The following TFB1M variants were observed in gnomAD, a reference collection of about 807,000 sequenced individuals.
TFB1M encodes dimethyladenosine transferase 1, mitochondrial.
A neutral mutation model predicts 31.1 loss-of-function variants in TFB1M; 27 were observed. The observed-to-expected ratio is 0.87, with a 90% CI of 0.64 to 1.20. The LOEUF (loss-of-function observed/expected upper bound fraction) is 1.20, where lower values mean the gene tolerates loss of function less well. TFB1M is among the 50% of genes most tolerant of loss of function. The pLI is 0.00. For missense variants in TFB1M, 394 were observed against 418.7 expected, an observed-to-expected ratio of 0.94 and a Z score of 0.51; for synonymous variants, 166 against 151.8, an observed-to-expected ratio of 1.09 and a Z score of -0.69.
At chr6:155,247,959 C>T in the TFB1M span, 1 of 1,587,696 alleles carries the variant, frequency 6.3e-7, no homozygotes, top group South Asian at 1.1e-5. Context: ...TTAATTCACC[C>T]CACTGTGCTC....
At chr6:155,249,872 A>T in the TFB1M span, 1 of 1,613,738 alleles carries the variant, frequency 6.2e-7, no homozygotes, top group South Asian at 1.1e-5. Flanking sequence ...GCAATGGAGA[A>T]AGTAGCGAGC....
intron 4 of TFB1M, among the ~76,000 whole-genome samples, chr6:155,293,747 C>T (rs162964): frequency 0.09 from 13,749 of 152,020 alleles, 823 homozygotes; most frequent in East Asian, 0.18. Context: ...AATTATTTAT[C>T]TCCAAATAAT....
At chr6:155,307,138 C>CACAG (rs1051222724) in intron 2 of TFB1M, among the ~76,000 whole-genome samples, 9 of 34,598 alleles carry the variant, frequency 2.6e-4, no homozygotes, top group Non-Finnish European at 6.2e-4. Flanking sequence ...CAAACACATA[C>CACAG]ACACACACAC....
At chr6:155,292,201 A>G (rs1481457733) in intron 4 of TFB1M, among the ~76,000 whole-genome samples, 1 of 152,128 alleles carries the variant, frequency 6.6e-6, no homozygotes, top group Non-Finnish European at 1.5e-5. Flanking sequence ...GAGATCTGGG[A>G]GGCCTCGGCA....
At chr6:155,268,755 C>A (rs2114691058) in intron 5 of TFB1M, among the ~76,000 whole-genome samples, 1 of 150,930 alleles carries the variant, frequency 6.6e-6, no homozygotes. Flanking sequence ...AGGCAGCATG[C>A]TTGCTAAGAG....
chr6:155,261,898 A>G (rs563229451), intron 5 of TFB1M, among the ~76,000 whole-genome samples: 1 of 152,326 alleles, frequency 6.6e-6, no homozygotes, highest in Non-Finnish European at 1.5e-5. Context: ...TGAAGATTCT[A>G]TGGTGGAACA....
intron 5 of TFB1M, among the ~76,000 whole-genome samples, chr6:155,279,003 G>C (rs1163416507): frequency 6.6e-6 from 1 of 152,088 alleles, no homozygotes. Context: ...AACTGAGGTA[G>C]TGCTACTGGA....
chr6:155,310,132 T>C (rs1426106929), intron 2 of TFB1M, among the ~76,000 whole-genome samples: 8 of 152,222 alleles, frequency 5.3e-5, no homozygotes, highest in Admixed American at 5.2e-4. Flanking sequence ...TTTCCATTAA[T>C]ATATATACAA....
At chr6:155,253,113 T>G, downstream of TFB1M, 1 of 1,410,710 alleles carries the variant, frequency 7.1e-7, no homozygotes, top group Non-Finnish European at 9.9e-7. Context: ...AACTGTGGAA[T>G]GTAAATTAAG....
the TFB1M span, chr6:155,250,816 G>A: frequency 7.6e-7 from 1 of 1,317,352 alleles, no homozygotes; most frequent in Non-Finnish European, 1.1e-6. Flanking sequence ...AGCTGTGCTT[G>A]CATTTTAGCA....
At chr6:155,303,129 T>C (rs975835838) in intron 2 of TFB1M, 1 of 151,476 alleles carries the variant, frequency 6.6e-6, no homozygotes, top group South Asian at 2.1e-4. Context: ...GAGGTGGATA[T>C]GCTAATTATC....
chr6:155,304,063 C>T (rs185816907), intron 2 of TFB1M, among the ~76,000 whole-genome samples: 87 of 152,132 alleles, frequency 5.7e-4, no homozygotes, highest in Admixed American at 2.1e-3. Flanking sequence ...GGTGAATCAC[C>T]TGAGTTCAGG....
chr6:155,230,246 C>T, the TFB1M span, among the ~76,000 whole-genome samples: 23 of 152,362 alleles, frequency 1.5e-4, no homozygotes, highest in East Asian at 1.4e-3. Context: ...TCATGCCCCT[C>T]GTCTTTGTGG....
At chr6:155,245,588 C>G in the TFB1M span, 2 of 1,550,078 alleles carry the variant, frequency 1.3e-6, no homozygotes, top group Non-Finnish European at 1.8e-6. Flanking sequence ...TTGATTAAAC[C>G]ATGTCTGATT....
At chr6:155,273,245 T>A (rs1192635524) in intron 5 of TFB1M, among the ~76,000 whole-genome samples, 1 of 152,242 alleles carries the variant, frequency 6.6e-6, no homozygotes, top group Non-Finnish European at 1.5e-5. Flanking sequence ...TGATAGCAGG[T>A]GAATCCTAGG....
chr6:155,314,123 T>A, intron 1 of TFB1M, 173 bp downstream of exon 1: 1 of 1,492,684 alleles, frequency 6.7e-7, no homozygotes, highest in Non-Finnish European at 8.9e-7. Context: ...GCACTTCACG[T>A]GTCTCCTGGG....
Position 155,257,234 on chromosome 6 carries a change from CA to C in TFB1M, c.*601del. 8.5e-7 allele frequency: 1 copy of C among 1,170,428 alleles called. No homozygotes were observed. Among genetic ancestry groups the C allele is most frequent in the Non-Finnish European group, 1.2e-6 (1 of 849,322 alleles). The allele number at this position is 1,170,428 out of a possible 1,614,324, so 72.5% of individuals were successfully genotyped here. Reference sequence around the variant, plus strand: ...AAACTGTTCATTCCTGGGTTTTGTGCAGTATACATTTTCCCACAAAATGGTT... The same window carrying C: ...AAACTGTTCATTCCTGGGTTTTGTGCGTATACATTTTCCCACAAAATGGTT... On this transcript the variant is annotated 3_prime_UTR_variant, in exon 7 of 7. Transcript: ENST00000367166.
intron 4 of TFB1M, among the ~76,000 whole-genome samples, chr6:155,292,285 A>G (rs941897579): frequency 6.6e-6 from 1 of 152,194 alleles, no homozygotes; most frequent in African/African-American, 2.4e-5. Flanking sequence ...GTGCAGGAGC[A>G]GCGGGTGGGG....
In TFB1M at chr6:155,285,204, C is replaced by T. The variant is rs141542593; in HGVS notation, c.620G>A (p.Arg207Gln). Residue 207 changes from arginine to glutamine, a missense_variant, in exon 5 of 7, where the codon CGA (arginine) becomes CAA (glutamine). Coordinates refer to ENST00000367166, the MANE Select transcript of TFB1M (RefSeq NM_016020.4). ...TTGTCCTGGAATCGTAAAGATGTGT[C>T]GAACATTGCAGAGGTACTGAGCCAT... is the stretch of plus-strand genomic sequence containing the variant. Reference protein sequence around the residue: ...SVMAQYLCNVRHIFTIPGQAF... With the variant: ...SVMAQYLCNVQHIFTIPGQAF... The T allele has an allele frequency of 1.8e-4, 294 of 1,613,812 alleles. No individual in the cohort carries two copies. The highest frequency in any genetic ancestry group is 3.3e-4 in the Middle Eastern group (2 of 6,084).
Sources: allele counts gnomAD v4.1 joint callset (sites outside exome capture counted in the v4.1 genomes callset), GRCh38; gene constraint gnomAD v4.1.1; transcripts MANE v1.5; gene names NCBI Gene and HGNC (gene_info 2026-07-23, HGNC 2026-07-21).